Variants in SMG6 observed in about 807,000 individuals in gnomAD.
The protein encoded by SMG6 is telomerase-binding protein EST1A.
In SMG6, 66 loss-of-function variants were observed where a neutral mutation model predicts 142.2. The ratio of observed to expected loss-of-function variants is 0.46; its 90% confidence interval spans 0.38 to 0.57. The LOEUF (loss-of-function observed/expected upper bound fraction) is 0.57. Among genes scored for constraint, SMG6 ranks in the 20% least tolerant of loss-of-function variants. SMG6 has a pLI of 0.00. For missense variants in SMG6, 1,793 were observed against 1,832.0 expected (o/e 0.98, Z 0.39); for synonymous variants, 779 against 702.4 (o/e 1.11, Z -1.72).
At chr17:2,135,982 C>CTA (rs1157833027) in intron 13 of SMG6, among the ~76,000 whole-genome samples, 3 of 144,198 alleles carry the variant, frequency 2.1e-5, no homozygotes, top group South Asian at 2.2e-4. Context: ...CACACCTAGC[C>CTA]TATATATATA....
intron 13 of SMG6, among the ~76,000 whole-genome samples, chr17:2,113,785 C>A (rs2760743): frequency 0.35 from 53,941 of 152,016 alleles, 10,271 homozygotes; most frequent in African/African-American, 0.49. Flanking sequence ...ACTTAAGGAG[C>A]ATCTTCATGA....
rs1387415205 is a variant in SMG6, at chr17:2,070,144, A to C, written c.3682-1213T>G. ...TGTGGACTTTCACATTTCTCAGGGA[A>C]GTTCCCGAGAGATGCACATTTGCAA... On this transcript the variant is annotated intron_variant, in intron 15 of 18. Coordinates refer to ENST00000263073, the MANE Select transcript of SMG6 (RefSeq NM_017575.5). Among the ~76,000 whole-genome samples the C allele has an allele frequency of 2.0e-5, 3 of 152,198 alleles. No homozygotes were observed. The South Asian group carries it at 6.2e-4, about 32-fold the overall frequency.
intron 13 of SMG6, among the ~76,000 whole-genome samples, chr17:2,100,469 C>T (rs1320812994): frequency 3.9e-5 from 6 of 152,054 alleles, no homozygotes; most frequent in Admixed American, 1.3e-4. Context: ...CACTGGTGCC[C>T]GACTTTGTTT....
At chr17:2,065,196 GGGCGC>G (rs1304230266) in intron 17 of SMG6, 42 bp from the exon 18 acceptor site, 2 of 1,522,682 alleles carry the variant, frequency 1.3e-6, no homozygotes, top group Non-Finnish European at 1.8e-6. Flanking sequence ...GGGCAGAAGG[GGGCGC>G]CATGTGGAGG....
intron 6 of SMG6, among the ~76,000 whole-genome samples, chr17:2,286,870 C>A (rs191940094): frequency 3.3e-5 from 5 of 151,354 alleles, no homozygotes; most frequent in Middle Eastern, 3.4e-3. Context: ...AAAGGTCTAG[C>A]ATCCAGAATA....
intron 13 of SMG6, chr17:2,086,974 G>A: frequency 7.8e-7 from 1 of 1,280,790 alleles, no homozygotes; most frequent in Non-Finnish European, 1.0e-6. Flanking sequence ...CATCCTCACT[G>A]ACTAGCCCCT....
At chr17:2,158,376 A>G (rs1158169591) in intron 13 of SMG6, among the ~76,000 whole-genome samples, 1 of 152,214 alleles carries the variant, frequency 6.6e-6, no homozygotes, top group Non-Finnish European at 1.5e-5. Context: ...GTATTGCTAG[A>G]TAAGCATTCA....
rs1165121532 is a variant in SMG6 at position 2,226,579 on chromosome 17, AAAAC to A, written c.2869+9909_2869+9912del. 6.6e-5 allele frequency among the ~76,000 whole-genome samples: 10 copies of A among 150,732 alleles called. No individual in the cohort carries two copies. The South Asian group carries it at 8.5e-4, about 13-fold the overall frequency. On this transcript the variant is annotated intron_variant, in intron 10 of 18. Coordinates refer to ENST00000263073, the MANE Select transcript of SMG6 (RefSeq NM_017575.5). Reference sequence around the variant, plus strand: ...AGGCGACAGTACGAGACTCTGTCTTAAAACAAACAAACAAACAAACAAAAAAAAA... The same window carrying A: ...AGGCGACAGTACGAGACTCTGTCTTAAAACAAACAAACAAACAAAAAAAAA...
chr17:2,107,933 T>C (rs1296728152), intron 13 of SMG6, among the ~76,000 whole-genome samples: 2 of 152,196 alleles, frequency 1.3e-5, no homozygotes, highest in Non-Finnish European at 2.9e-5. Flanking sequence ...GGCACCCAAG[T>C]CCTCACTTTA....
chr17:2,088,297 G>A lies in SMG6; in HGVS notation c.3358-2396C>T, dbSNP rs979831152. On this transcript the variant is annotated intron_variant, in intron 13 of 18. Coordinates refer to ENST00000263073, the MANE Select transcript of SMG6 (RefSeq NM_017575.5). ...CACATGTGTGGATGTGGGACTCCTG[G>A]AGATGGGGATTTCCAGGGCACAGCA... 5 of 985,314 alleles carry A rather than the reference G, an allele frequency of 5.1e-6. No homozygotes were observed. In the Admixed American group the frequency reaches 3.1e-4, roughly 61 times the overall value. 61.0% of individuals were successfully genotyped at this position (985,314 alleles called of 1,614,324 possible).
chr17:2,149,371 A>AAAC (rs2070761193), intron 13 of SMG6, among the ~76,000 whole-genome samples: 1 of 142,474 alleles, frequency 7.0e-6, no homozygotes, highest in African/African-American at 2.7e-5. Flanking sequence ...AAAAAAAAAA[A>AAAC]AAAGGGTTAA....
At chr17:2,250,916 T>A (rs185543254) in intron 8 of SMG6, among the ~76,000 whole-genome samples, 8 of 152,162 alleles carry the variant, frequency 5.3e-5, no homozygotes, top group African/African-American at 1.4e-4. Flanking sequence ...GTCATCCTCA[T>A]CCCTGCGCTC....
At chr17:2,302,990 T>C in intron 1 of SMG6, 1 of 985,292 alleles carries the variant, frequency 1.0e-6, no homozygotes, top group Non-Finnish European at 1.2e-6. Flanking sequence ...GCAGGAGAGG[T>C]GAGACACTTA....
intron 1 of SMG6, among the ~76,000 whole-genome samples, chr17:2,302,081 T>C (rs1005813716): frequency 1.3e-5 from 2 of 150,984 alleles, no homozygotes; most frequent in African/African-American, 2.4e-5. Context: ...GGCAACACCC[T>C]GTCTCTATAA....
intron 10 of SMG6, among the ~76,000 whole-genome samples, chr17:2,227,064 A>C (rs2073340991): frequency 6.6e-6 from 1 of 152,230 alleles, no homozygotes; most frequent in Non-Finnish European, 1.5e-5. Flanking sequence ...CTAAAATAAA[A>C]AGAAATGACA....
At chr17:2,140,944 A>G (rs746510740) in intron 13 of SMG6, among the ~76,000 whole-genome samples, 18 of 152,214 alleles carry the variant, frequency 1.2e-4, no homozygotes, top group Non-Finnish European at 2.2e-4. Context: ...TTTATGATTC[A>G]AAAGGCTGAG....
At chr17:2,130,253 C>T (rs1169191762) in intron 13 of SMG6, among the ~76,000 whole-genome samples, 1 of 54,530 alleles carries the variant, frequency 1.8e-5, no homozygotes, top group Non-Finnish European at 2.9e-5. Context: ...GGCGACAGAG[C>T]GAGACTCCGT....
intron 13 of SMG6, among the ~76,000 whole-genome samples, chr17:2,113,580 C>T (rs1274052336): frequency 1.3e-5 from 2 of 152,194 alleles, no homozygotes; most frequent in East Asian, 1.9e-4. Context: ...TTCTCTTACA[C>T]AGCTGCCAAG....
intron 8 of SMG6, among the ~76,000 whole-genome samples, chr17:2,278,837 GC>G (rs1265795262): frequency 6.6e-6 from 1 of 152,042 alleles, no homozygotes; most frequent in Non-Finnish European, 1.5e-5. Flanking sequence ...AAAATTAAAA[GC>G]CCTCAATACC....
Sources: gnomAD v4.1 joint callset for allele counts (sites outside exome capture counted in the v4.1 genomes callset) on GRCh38, gnomAD v4.1.1 for gene constraint, MANE v1.5 for transcripts, NCBI Gene and HGNC (gene_info 2026-07-23, HGNC 2026-07-21) for gene names.